The following ALPK1 variants were observed in gnomAD, a reference collection of about 807,000 sequenced individuals.
ALPK1 encodes the protein alpha-protein kinase 1.
ALPK1 carries 110 observed loss-of-function variants against 120.6 expected under a neutral mutation model. That is an observed-to-expected ratio of 0.91 (90% CI 0.78 to 1.07). The LOEUF (loss-of-function observed/expected upper bound fraction) is 1.07, where lower values mean the gene tolerates loss of function less well. ALPK1 is among the 50% of genes least tolerant of loss of function. ALPK1 has a pLI of 0.00. For synonymous variants in ALPK1, 582 were observed against 560.3 expected, an observed-to-expected ratio of 1.04 and a Z score of -0.55; for missense variants, 1,498 against 1,483.9, an observed-to-expected ratio of 1.01 and a Z score of -0.16.
At chr4:112,377,461 G>T (rs879478650) in intron 2 of ALPK1, among the ~76,000 whole-genome samples, 21 of 152,268 alleles carry the variant, frequency 1.4e-4, no homozygotes, top group Middle Eastern at 6.8e-3. Context: ...GATAACTGGG[G>T]TCTGTACCAG....
chr4:112,340,385 C>T (rs1252729805), intron 2 of ALPK1, among the ~76,000 whole-genome samples: 1 of 152,042 alleles, frequency 6.6e-6, no homozygotes, highest in African/African-American at 2.4e-5. Flanking sequence ...AAAGAAATAA[C>T]CTTATACTTT....
intron 4 of ALPK1, among the ~76,000 whole-genome samples, chr4:112,406,138 A>G (rs1733162757): frequency 6.6e-6 from 1 of 152,186 alleles, no homozygotes; most frequent in Non-Finnish European, 1.5e-5. Context: ...TATATATCCA[A>G]AAGAAGTAAA....
chr4:112,359,409 G>C, intron 2 of ALPK1: 1 of 312,772 alleles, frequency 3.2e-6, no homozygotes, highest in African/African-American at 2.2e-5. Context: ...TGCGAAGCCT[G>C]AGAACATCCC....
At chr4:112,416,455 GT>G (rs1413933196) in intron 5 of ALPK1, among the ~76,000 whole-genome samples, 3 of 152,114 alleles carry the variant, frequency 2.0e-5, no homozygotes, top group Admixed American at 2.0e-4. Flanking sequence ...AAATAGGGAA[GT>G]TTAAAAAACT....
intron 3 of ALPK1, among the ~76,000 whole-genome samples, chr4:112,378,616 A>G (rs1292222325): frequency 6.6e-6 from 1 of 152,110 alleles, no homozygotes; most frequent in African/African-American, 2.4e-5. Flanking sequence ...TTAGCATTTG[A>G]ATAAATTTTC....
At chr4:112,357,027 G>T in intron 2 of ALPK1, 1 of 806,820 alleles carries the variant, frequency 1.2e-6, no homozygotes. Flanking sequence ...CCGGAGTTCA[G>T]CGCGGACCCC....
intron 4 of ALPK1, among the ~76,000 whole-genome samples, chr4:112,386,683 CTA>C (rs1392182803): frequency 6.6e-6 from 1 of 152,154 alleles, no homozygotes; most frequent in Admixed American, 6.6e-5. Flanking sequence ...CTGCCCTGCC[CTA>C]TAGGCTTTGA....
intron 1 of ALPK1, among the ~76,000 whole-genome samples, chr4:112,309,525 G>A (rs1004242206): frequency 1.3e-5 from 2 of 152,106 alleles, no homozygotes; most frequent in South Asian, 2.1e-4. Context: ...GCGAGGCTCC[G>A]TGGGTGTGGG....
chr4:112,322,616 G>A (rs1728911153), intron 2 of ALPK1, among the ~76,000 whole-genome samples: 1 of 152,298 alleles, frequency 6.6e-6, no homozygotes, highest in African/African-American at 2.4e-5. Context: ...TTAAATTATA[G>A]TGAGGAAGAC....
chr4:112,435,258 G>A lies in ALPK1; in HGVS notation c.3145G>A (p.Ala1049Thr), dbSNP rs765082458. Residue 1049 changes from alanine to threonine, a missense_variant, in exon 12 of 16, where the codon GCT (alanine) becomes ACT (threonine). Coordinates refer to ENST00000650871, the MANE Select transcript of ALPK1 (RefSeq NM_025144.4). ...GAAGAAAAAAGGCAGACAAAGAAATGCTTTTTGGGTTCATCATCTTCATCA... is the reference window on the plus strand; with the variant it reads ...GAAGAAAAAAGGCAGACAAAGAAATACTTTTTGGGTTCATCATCTTCATCA... ...TVKKKGRQRN[A>T]FWVHHLHQEE... The A allele has an allele frequency of 9.9e-6, 16 of 1,612,744 alleles. No individual in the cohort carries two copies. Among genetic ancestry groups the A allele is most frequent in the Non-Finnish European group, 1.4e-5 (16 of 1,179,708 alleles).
chr4:112,415,608 G>A (rs1733709362), intron 5 of ALPK1, among the ~76,000 whole-genome samples: 1 of 151,000 alleles, frequency 6.6e-6, no homozygotes, highest in African/African-American at 2.4e-5. Context: ...TTGCACTCCA[G>A]CCTGGGTTAC....
intron 6 of ALPK1, 79 bp from the exon 7 acceptor site, chr4:112,425,586 G>A: frequency 8.3e-7 from 1 of 1,210,744 alleles, no homozygotes; most frequent in Non-Finnish European, 1.2e-6. Flanking sequence ...ATGTGCTCAT[G>A]AAGACTTCTG....
At chr4:112,324,857 T>G (rs1220990821) in intron 2 of ALPK1, among the ~76,000 whole-genome samples, 1 of 151,838 alleles carries the variant, frequency 6.6e-6, no homozygotes, top group Non-Finnish European at 1.5e-5. Context: ...CCCAAAAATA[T>G]TCTGTGAAAG....
chr4:112,411,178 AGG>A (rs1733436090), intron 4 of ALPK1: 1 of 154,854 alleles, frequency 6.5e-6, no homozygotes. Flanking sequence ...AAATAAGATA[AGG>A]GATGGGGAAA....
chr4:112,382,803 C>A, intron 4 of ALPK1: 1 of 421,720 alleles, frequency 2.4e-6, no homozygotes, highest in Admixed American at 3.8e-5. Context: ...ACCCTGTCAT[C>A]TTGAAATATT....
chr4:112,306,342 A>C (rs1728055009), intron 1 of ALPK1, among the ~76,000 whole-genome samples: 1 of 151,882 alleles, frequency 6.6e-6, no homozygotes, highest in East Asian at 1.9e-4. Flanking sequence ...CCCTCTTTGT[A>C]CCTCTGGTAG....
rs1238709887 is a variant in ALPK1 at position 112,438,651 on chromosome 4, G to T, written c.3351+5G>T. The stretch of plus-strand genomic sequence containing the variant: ...ATCCCATCCACAATACTACTGGTAA[G>T]ATTATCCTGAACACATCATTTGGAT... On this transcript the variant is annotated splice_donor_5th_base_variant and intron_variant, in intron 13 of 15. Transcript: ENST00000650871. The T allele has an allele frequency of 1.9e-6, 3 of 1,612,572 alleles. No homozygotes were observed. The highest frequency in any genetic ancestry group is 2.7e-5 in the African/African-American group (2 of 74,876).
chr4:112,361,731 AC>A (rs113881869), intron 2 of ALPK1, among the ~76,000 whole-genome samples: 19 of 152,350 alleles, frequency 1.2e-4, no homozygotes, highest in African/African-American at 4.1e-4. Context: ...CTATACAACC[AC>A]AGTTGATGCA....
chr4:112,298,017 T>C (rs1727619763), intron 1 of ALPK1, among the ~76,000 whole-genome samples: 2 of 152,278 alleles, frequency 1.3e-5, no homozygotes, highest in South Asian at 4.1e-4. Flanking sequence ...GGAAGCATTG[T>C]TTAGAGACAA....
Sources: allele counts gnomAD v4.1 joint callset (sites outside exome capture counted in the v4.1 genomes callset), GRCh38; gene constraint gnomAD v4.1.1; transcripts MANE v1.5; gene names NCBI Gene and HGNC (gene_info 2026-07-23, HGNC 2026-07-21).